Variants in EPB41 observed in about 807,000 individuals in gnomAD.
EPB41 encodes protein 4.1.
Under a neutral mutation model 108.0 loss-of-function variants are expected in EPB41, and 65 were observed. The observed-to-expected ratio is 0.60, with a 90% CI of 0.49 to 0.74. The LOEUF is 0.74. Among genes scored for constraint, EPB41 ranks in the 30% least tolerant of loss-of-function variants. The probability of loss-of-function intolerance (pLI) is 0.00; values close to 1 mark genes in which losing one functional copy is unlikely to be tolerated. For synonymous variants in EPB41, 336 were observed against 358.9 expected, an observed-to-expected ratio of 0.94 and a Z score of 0.72; for missense variants, 875 against 1,037.0, an observed-to-expected ratio of 0.84 and a Z score of 2.15.
Position 28,887,779 on chromosome 1 carries a change from G to C in EPB41, c.-8+569G>C, listed in dbSNP as rs2089611062. On this transcript the variant is annotated intron_variant, in intron 1 of 16. Coordinates refer to the EPB41 transcript ENST00000347529. This position sits in a 1 kb window ranked among gnomAD's most constrained non-coding sequence, Gnocchi z 4.9. ...CTGTGCCCGCCAGGGTGGCCCCCCC[G>C]GCCGTCGCGCCAGCCCCACACCCTC... is the stretch of plus-strand genomic sequence containing the variant. The C allele has an allele frequency of 2.7e-6, 2 of 739,370 alleles. No homozygotes were observed. Among genetic ancestry groups the C allele is most frequent in the Non-Finnish European group, 3.3e-6 (2 of 605,036 alleles). The allele number at this position is 739,370 out of a possible 1,614,324, so 45.8% of individuals were successfully genotyped here.
intron 1 of EPB41, among the ~76,000 whole-genome samples, chr1:28,947,185 A>G (rs1380592407): frequency 2.0e-5 from 3 of 152,216 alleles, no homozygotes; most frequent in Non-Finnish European, 4.4e-5. Flanking sequence ...TAGGAAGCCA[A>G]GGCGGGTGGA....
intron 1 of EPB41, among the ~76,000 whole-genome samples, chr1:28,889,026 A>G (rs1451970296): frequency 2.0e-5 from 3 of 152,318 alleles, no homozygotes; most frequent in African/African-American, 7.2e-5. Flanking sequence ...GGGAGGGATG[A>G]AAGGGGACAT....
chr1:29,070,517 C>T (rs1650826071), intron 16 of EPB41: 2 of 1,232,112 alleles, frequency 1.6e-6, no homozygotes, highest in Non-Finnish European at 2.0e-6. Flanking sequence ...CAAAAAGTGC[C>T]ACCTCTACTT....
intron 7 of EPB41, among the ~76,000 whole-genome samples, chr1:29,028,986 G>A (rs1458399794): frequency 1.3e-5 from 2 of 151,424 alleles, no homozygotes; most frequent in African/African-American, 4.9e-5. Flanking sequence ...AGGTTGCAGT[G>A]AGCTGTGTTT....
At chr1:28,975,501 C>G (rs1571757471) in intron 1 of EPB41, among the ~76,000 whole-genome samples, 1 of 152,112 alleles carries the variant, frequency 6.6e-6, no homozygotes, top group South Asian at 2.1e-4. Flanking sequence ...TTGAATTTCC[C>G]TCTGTCTCTA....
At chr1:29,062,781 C>T (rs756267866) in intron 15 of EPB41, among the ~76,000 whole-genome samples, 2 of 151,712 alleles carry the variant, frequency 1.3e-5, no homozygotes, top group African/African-American at 4.8e-5. Flanking sequence ...CCAGAGAGAA[C>T]CTGTAGCAAG....
intron 1 of EPB41, among the ~76,000 whole-genome samples, chr1:28,901,799 A>C (rs1428332080): frequency 6.6e-6 from 1 of 151,870 alleles, no homozygotes; most frequent in African/African-American, 2.4e-5. Flanking sequence ...CTCCCAAAGT[A>C]CTAGAATTAC....
At chr1:28,929,843 C>CT (rs56337991) in intron 1 of EPB41, among the ~76,000 whole-genome samples, 1,838 of 101,834 alleles carry the variant, frequency 0.018, 16 homozygotes, top group Middle Eastern at 0.024. Context: ...ACTGGGCCTT[C>CT]TTTTTTTTTT....
At chr1:29,071,492 ATAGT>A (rs1207281206) in intron 16 of EPB41, 1 of 152,232 alleles carries the variant, frequency 6.6e-6, no homozygotes, top group Non-Finnish European at 1.5e-5. Flanking sequence ...GCTAGCAGCA[ATAGT>A]TAGCCATTGC....
chr1:29,065,274 C>G, intron 16 of EPB41, 116 bp downstream of exon 16: 1 of 1,413,602 alleles, frequency 7.1e-7, no homozygotes, highest in Admixed American at 3.0e-5. Flanking sequence ...TGGTGCCTCA[C>G]TATATTCATT....
intron 1 of EPB41, among the ~76,000 whole-genome samples, chr1:28,949,186 G>A (rs182875094): frequency 6.6e-6 from 1 of 152,260 alleles, no homozygotes; most frequent in East Asian, 1.9e-4. Flanking sequence ...GCTCATACCT[G>A]TAATCCCAGC....
At position 29,018,950 on chromosome 1, in the gene EPB41, A is replaced by G. The variant is rs1442828591; in HGVS notation, c.1124+508A>G. Among the ~76,000 whole-genome samples, 1 of 152,210 alleles carries G rather than the reference A, an allele frequency of 6.6e-6. No individual in the cohort carries two copies. Among genetic ancestry groups the G allele is most frequent in the Non-Finnish European group, 1.5e-5 (1 of 68,036 alleles). The stretch of plus-strand genomic sequence containing the variant: ...TGATTGGTAATGCTGGGAGTTATCA[A>G]GTGATCAAGAACAAGAGTTTACAGT... On this transcript the variant is annotated intron_variant, in intron 7 of 20. Transcript: ENST00000343067. The surrounding 1 kb of genome is among the most constrained non-coding windows in gnomAD (Gnocchi z 4.4).
chr1:28,959,961 C>T (rs1272520811), intron 1 of EPB41, among the ~76,000 whole-genome samples: 14 of 149,874 alleles, frequency 9.3e-5, no homozygotes, highest in Admixed American at 2.7e-4. Flanking sequence ...GGATTACAGG[C>T]GTGAGCCCCT....
chr1:29,110,893 A>G (rs986712028), intron 18 of EPB41, among the ~76,000 whole-genome samples: 1 of 152,236 alleles, frequency 6.6e-6, no homozygotes, highest in Non-Finnish European at 1.5e-5. Flanking sequence ...GAAAATGATC[A>G]TGGTGGCTCA....
At chr1:28,894,070 G>A (rs905300313) in intron 1 of EPB41, among the ~76,000 whole-genome samples, 1 of 152,162 alleles carries the variant, frequency 6.6e-6, no homozygotes, top group Admixed American at 6.5e-5. Flanking sequence ...GGGCAGACTG[G>A]GCTGGAATAG....
chr1:28,892,994 G>T (rs1354855714), intron 1 of EPB41, among the ~76,000 whole-genome samples: 1 of 151,924 alleles, frequency 6.6e-6, no homozygotes, highest in Non-Finnish European at 1.5e-5. Context: ...GAGAGACGGA[G>T]TTTCACCATG....
At chr1:29,007,426 A>G (rs1335021349) in intron 4 of EPB41, among the ~76,000 whole-genome samples, 4 of 152,194 alleles carry the variant, frequency 2.6e-5, no homozygotes, top group Admixed American at 2.0e-4. Flanking sequence ...CGGATTTTAG[A>G]GAAGGCATAT....
chr1:29,022,986 G>A (rs1042480662), intron 7 of EPB41, among the ~76,000 whole-genome samples: 1 of 151,812 alleles, frequency 6.6e-6, no homozygotes, highest in Non-Finnish European at 1.5e-5. Context: ...AAAAGTAATG[G>A]GATTACCATT....
At chr1:29,111,382 C>T (rs1669088239) in intron 18 of EPB41, among the ~76,000 whole-genome samples, 1 of 151,994 alleles carries the variant, frequency 6.6e-6, no homozygotes, top group African/African-American at 2.4e-5. Context: ...CCAGGCTGGG[C>T]GCGGTGGCTC....
Sources: allele counts gnomAD v4.1 joint callset (sites outside exome capture counted in the v4.1 genomes callset), GRCh38; gene constraint gnomAD v4.1.1; non-coding constraint Gnocchi (gnomAD v3.1); transcripts MANE v1.5; gene names NCBI Gene and HGNC (gene_info 2026-07-23, HGNC 2026-07-21).